Variants in PTPRD observed in about 807,000 individuals in gnomAD.
PTPRD encodes receptor-type tyrosine-protein phosphatase delta.
Under a neutral mutation model 214.5 loss-of-function variants are expected in PTPRD, and 34 were observed. The observed-to-expected ratio is 0.16, with a 90% CI of 0.12 to 0.21. PTPRD has a LOEUF of 0.21. PTPRD is among the 10% of genes least tolerant of loss of function. The pLI, the probability that PTPRD is intolerant of heterozygous loss-of-function variation, is 1.00. For missense variants in PTPRD, 2,545 were observed against 2,398.7 expected, an observed-to-expected ratio of 1.06 and a Z score of -1.27; for synonymous variants, 1,128 against 845.7, an observed-to-expected ratio of 1.33 and a Z score of -5.79.
intron 3 of PTPRD, among the ~76,000 whole-genome samples, chr9:10,328,275 T>G (rs966130142): frequency 6.6e-6 from 1 of 151,704 alleles, no homozygotes; most frequent in African/African-American, 2.4e-5. Context: ...CAGAGACACA[T>G]ATTAAGTTTT....
At chr9:9,214,057 C>T (rs1354524599) in intron 9 of PTPRD, among the ~76,000 whole-genome samples, 1 of 152,152 alleles carries the variant, frequency 6.6e-6, no homozygotes, top group Non-Finnish European at 1.5e-5. Context: ...AACATCCATC[C>T]TCCAACACCC....
intron 11 of PTPRD, among the ~76,000 whole-genome samples, chr9:8,797,638 C>T (rs12347260): frequency 0.016 from 2,387 of 152,282 alleles, 48 homozygotes; most frequent in African/African-American, 0.051. Context: ...ATCTGTGAAG[C>T]TCTATCTCAT....
At chr9:9,059,601 G>C (rs1449802977) in intron 10 of PTPRD, among the ~76,000 whole-genome samples, 2 of 152,088 alleles carry the variant, frequency 1.3e-5, no homozygotes, top group Non-Finnish European at 2.9e-5. Flanking sequence ...GAAAATGTAT[G>C]TCCTTAAGCA....
intron 12 of PTPRD, among the ~76,000 whole-genome samples, chr9:8,723,111 C>A (rs148890098): frequency 6.6e-6 from 1 of 152,098 alleles, no homozygotes; most frequent in Non-Finnish European, 1.5e-5. Flanking sequence ...CCCAGCAATC[C>A]GAACCCTTTA....
At position 10,606,761 on chromosome 9, in the gene PTPRD, C is replaced by A. The variant is rs1342330382; in HGVS notation, c.-600+5637G>T. Reference sequence around the variant, plus strand: ...AAAATGCATGTGAACACAATGCTTGCCTGGCTTTGTTCTCTGTTCGTGTAG... The same window carrying A: ...AAAATGCATGTGAACACAATGCTTGACTGGCTTTGTTCTCTGTTCGTGTAG... On this transcript the variant is annotated intron_variant, in intron 2 of 45. Coordinates refer to ENST00000381196, the MANE Select transcript of PTPRD (RefSeq NM_002839.4). Among the ~76,000 whole-genome samples the A allele has an allele frequency of 2.0e-5, 3 of 151,754 alleles. No homozygotes were observed. In the South Asian group the frequency reaches 6.2e-4, roughly 31 times the overall value.
chr9:8,358,766 T>G (rs942569301), intron 39 of PTPRD, among the ~76,000 whole-genome samples: 24 of 152,144 alleles, frequency 1.6e-4, no homozygotes, highest in Non-Finnish European at 2.9e-4. Context: ...TAATAAATTT[T>G]ATGAAACCAA....
intron 12 of PTPRD, among the ~76,000 whole-genome samples, chr9:8,645,272 C>T (rs1748036290): frequency 6.6e-6 from 1 of 152,096 alleles, no homozygotes; most frequent in Non-Finnish European, 1.5e-5. Flanking sequence ...TCAGAGATTA[C>T]GATGTCTGAC....
chr9:9,084,624 A>G (rs1369529855), intron 10 of PTPRD, among the ~76,000 whole-genome samples: 2 of 152,152 alleles, frequency 1.3e-5, no homozygotes, highest in African/African-American at 4.8e-5. Context: ...CTGTAAATGA[A>G]TGGGATCTGA....
At chr9:9,716,602 C>T (rs531407897) in intron 7 of PTPRD, among the ~76,000 whole-genome samples, 59 of 152,204 alleles carry the variant, frequency 3.9e-4, no homozygotes, top group African/African-American at 1.3e-3. Flanking sequence ...CTCTGATGGC[C>T]AGTGATGGTG....
intron 11 of PTPRD, among the ~76,000 whole-genome samples, chr9:8,777,227 G>A (rs2095522767): frequency 6.6e-6 from 1 of 151,870 alleles, no homozygotes; most frequent in Admixed American, 6.6e-5. Context: ...TGATACTCCT[G>A]CTTCCACCTC....
intron 5 of PTPRD, among the ~76,000 whole-genome samples, chr9:9,783,943 T>C (rs568552531): frequency 6.6e-6 from 1 of 152,096 alleles, no homozygotes; most frequent in African/African-American, 2.4e-5. Flanking sequence ...AGCCATAGGT[T>C]AGCTGCAAAT....
Position 10,058,985 on chromosome 9 carries a change from C to G in PTPRD, c.-544-25195G>C, listed in dbSNP as rs148378657. 5.9e-5 allele frequency among the ~76,000 whole-genome samples: 9 copies of G among 151,756 alleles called. No individual in the cohort carries two copies. The South Asian group carries it at 8.3e-4, about 14-fold the overall frequency. ...CTCAGTATTGGAGCTTTTTTAAAACCAACAAAATAAAATATATAAATAAAT... is the reference window on the plus strand; with the variant it reads ...CTCAGTATTGGAGCTTTTTTAAAACGAACAAAATAAAATATATAAATAAAT... On this transcript the variant is annotated intron_variant, in intron 3 of 45. Transcript: ENST00000381196.
intron 2 of PTPRD, among the ~76,000 whole-genome samples, chr9:10,442,929 T>C (rs2098770469): frequency 6.6e-6 from 1 of 151,454 alleles, no homozygotes; most frequent in Non-Finnish European, 1.5e-5. Flanking sequence ...ATTAGTTGAT[T>C]GTTGTATGTG....
At chr9:9,845,835 G>A (rs1387314844) in intron 5 of PTPRD, among the ~76,000 whole-genome samples, 1 of 152,082 alleles carries the variant, frequency 6.6e-6, no homozygotes, top group African/African-American at 2.4e-5. Context: ...GCAGAAGGCT[G>A]CAATTAAATA....
At chr9:9,818,019 A>C (rs558979388) in intron 5 of PTPRD, among the ~76,000 whole-genome samples, 1 of 152,150 alleles carries the variant, frequency 6.6e-6, no homozygotes, top group Non-Finnish European at 1.5e-5. Flanking sequence ...TCTTGGGGAA[A>C]GAAGTTAATA....
chr9:8,544,262 G>A (rs1047512777), intron 14 of PTPRD, among the ~76,000 whole-genome samples: 1 of 146,722 alleles, frequency 6.8e-6, no homozygotes, highest in African/African-American at 2.5e-5. Context: ...CACCTCCCAG[G>A]TTCAAGCAAT....
intron 12 of PTPRD, among the ~76,000 whole-genome samples, chr9:8,662,191 T>C (rs2097072933): frequency 6.6e-6 from 1 of 152,188 alleles, no homozygotes; most frequent in Non-Finnish European, 1.5e-5. Context: ...CACAACTGCA[T>C]GTTTAATTAC....
Position 9,946,336 on chromosome 9 carries a change from A to G in PTPRD, c.-471-7726T>C, listed in dbSNP as rs1380441461. Among the ~76,000 whole-genome samples the G allele has an allele frequency of 5.9e-5, 9 of 152,316 alleles. No homozygotes were observed. The South Asian group carries it at 6.2e-4, about 11-fold the overall frequency. Reference sequence around the variant, plus strand: ...GACAATTAATCATGTTACAATAAGTATAACTGAGAGATGCACAAAGCACTA... The same window carrying G: ...GACAATTAATCATGTTACAATAAGTGTAACTGAGAGATGCACAAAGCACTA... On this transcript the variant is annotated intron_variant, in intron 4 of 45. Transcript: ENST00000381196.
At chr9:9,614,445 T>G (rs1471026168) in intron 7 of PTPRD, among the ~76,000 whole-genome samples, 2 of 152,198 alleles carry the variant, frequency 1.3e-5, no homozygotes, top group Non-Finnish European at 2.9e-5. Flanking sequence ...ATCAATGCAA[T>G]GTAAAAGACT....
Sources: allele counts gnomAD v4.1 joint callset (sites outside exome capture counted in the v4.1 genomes callset), GRCh38; gene constraint gnomAD v4.1.1; transcripts MANE v1.5; gene names NCBI Gene and HGNC (gene_info 2026-07-23, HGNC 2026-07-21).